Variants in RALYL observed in about 807,000 individuals in gnomAD.
RALYL encodes RNA-binding Raly-like protein.
RALYL carries 29 observed loss-of-function variants against 35.1 expected under a neutral mutation model. That is an observed-to-expected ratio of 0.83 (90% CI 0.61 to 1.13). The LOEUF (loss-of-function observed/expected upper bound fraction) is 1.13. RALYL is among the 50% of genes most tolerant of loss of function. The pLI is 0.00. For synonymous variants in RALYL, 120 were observed against 127.6 expected (o/e 0.94, Z 0.40); for missense variants, 359 against 360.4 (o/e 1.00, Z 0.03).
chr8:84,739,112 C>T (rs190476290), intron 2 of RALYL, among the ~76,000 whole-genome samples: 9 of 152,058 alleles, frequency 5.9e-5, no homozygotes, highest in African/African-American at 1.7e-4. Context: ...TTAACTCAGA[C>T]AATTTACATT....
chr8:84,380,343 C>A (rs1857729399), intron 1 of RALYL, among the ~76,000 whole-genome samples: 1 of 151,824 alleles, frequency 6.6e-6, no homozygotes, highest in Admixed American at 6.6e-5. Flanking sequence ...TGTAAGCCAA[C>A]CAATGTATTT....
In RALYL at chr8:84,599,542, T is replaced by A. The variant is rs371445900; in HGVS notation, c.256+69965T>A. The stretch of plus-strand genomic sequence containing the variant: ...TCACTAATTAAACATTAGTGAAATG[T>A]CATTTTTAAAGAATCTAAGGCAATA... On this transcript the variant is annotated intron_variant, in intron 2 of 8. Transcript: ENST00000521268. Among the ~76,000 whole-genome samples the A allele has an allele frequency of 3.9e-5, 6 of 152,160 alleles. No homozygotes were observed. The South Asian group carries it at 1.2e-3, about 32-fold the overall frequency.
intron 1 of RALYL, among the ~76,000 whole-genome samples, chr8:84,257,223 A>ATC (rs1440022783): frequency 1.3e-5 from 2 of 152,088 alleles, no homozygotes. Context: ...CTTGCTGAGA[A>ATC]AAAGATTGCG....
chr8:84,424,536 T>G (rs1451357392), intron 1 of RALYL, among the ~76,000 whole-genome samples: 1 of 150,832 alleles, frequency 6.6e-6, no homozygotes, highest in Non-Finnish European at 1.5e-5. Context: ...GTCTGAAGCC[T>G]TCTTCTCTCA....
At chr8:84,348,556 C>T (rs1241881138) in intron 1 of RALYL, among the ~76,000 whole-genome samples, 1 of 152,110 alleles carries the variant, frequency 6.6e-6, no homozygotes, top group East Asian at 1.9e-4. Flanking sequence ...TATAAAGGGT[C>T]TGATCAAATC....
chr8:84,700,933 A>T (rs1282512694), intron 2 of RALYL, among the ~76,000 whole-genome samples: 1 of 152,186 alleles, frequency 6.6e-6, no homozygotes, highest in Non-Finnish European at 1.5e-5. Context: ...AAAAAACCTG[A>T]GGAAAGTATT....
At chr8:84,356,809 C>T (rs1851926133) in intron 1 of RALYL, among the ~76,000 whole-genome samples, 1 of 150,038 alleles carries the variant, frequency 6.7e-6, no homozygotes, top group South Asian at 2.1e-4. Flanking sequence ...CTCTCTTTGT[C>T]ATAACACAGT....
chr8:84,796,755 ATTAAG>A (rs1424073805), intron 3 of RALYL, among the ~76,000 whole-genome samples: 11 of 138,534 alleles, frequency 7.9e-5, no homozygotes, highest in African/African-American at 2.5e-4. Context: ...TCTTAAGTAT[ATTAAG>A]TTATTTATAA....
chr8:84,658,092 C>T lies in RALYL; in HGVS notation c.257-116487C>T, dbSNP rs62530169. On this transcript the variant is annotated intron_variant, in intron 2 of 8. Transcript: ENST00000521268. ...ATGTCCCTTGCTTCACCTTTTGACA[C>T]CACAGGGCTGAAAACTGTATCCTCG... Among the ~76,000 whole-genome samples the T allele has an allele frequency of 4.7e-3, 713 of 152,192 alleles. 6 individuals are homozygous for T. The highest frequency in any genetic ancestry group is 6.8e-3 in the Middle Eastern group (2 of 294).
intron 2 of RALYL, among the ~76,000 whole-genome samples, chr8:84,620,326 C>G (rs1164761993): frequency 6.6e-6 from 1 of 151,506 alleles, no homozygotes; most frequent in South Asian, 2.1e-4. Flanking sequence ...CTTCCCTTCT[C>G]GCTTCATTTC....
chr8:84,650,955 G>A (rs1828666454), intron 2 of RALYL, among the ~76,000 whole-genome samples: 2 of 152,052 alleles, frequency 1.3e-5, no homozygotes, highest in Non-Finnish European at 2.9e-5. Flanking sequence ...ATCATTCTCA[G>A]TAAACTATCA....
intron 1 of RALYL, among the ~76,000 whole-genome samples, chr8:84,378,230 A>G (rs1056101816): frequency 2.0e-5 from 3 of 151,872 alleles, no homozygotes; most frequent in Non-Finnish European, 4.4e-5. Context: ...TGTGCCAATA[A>G]AGTTATAAGG....
chr8:84,373,912 A>G (rs1586687696), intron 1 of RALYL, among the ~76,000 whole-genome samples: 1 of 151,322 alleles, frequency 6.6e-6, no homozygotes. Context: ...TTCTCCTTTT[A>G]GGGATCTTTC....
intron 2 of RALYL, among the ~76,000 whole-genome samples, chr8:84,728,536 T>G: frequency 6.6e-6 from 1 of 152,020 alleles, no homozygotes; most frequent in Non-Finnish European, 1.5e-5. Context: ...GTTTTAGACA[T>G]GAAGTCCTTG....
At chr8:84,225,988 A>G (rs1354875748) in intron 1 of RALYL, among the ~76,000 whole-genome samples, 2 of 152,226 alleles carry the variant, frequency 1.3e-5, no homozygotes, top group Admixed American at 1.3e-4. Flanking sequence ...GCAGCTGATC[A>G]TTATGGGTAG....
intron 8 of RALYL, among the ~76,000 whole-genome samples, chr8:84,901,770 G>A (rs553834002): frequency 1.6e-4 from 24 of 152,222 alleles, no homozygotes; most frequent in Non-Finnish European, 3.2e-4. Context: ...GAAGTTTGGG[G>A]TCCTGGGAGA....
intron 3 of RALYL, among the ~76,000 whole-genome samples, chr8:84,789,065 A>G (rs903341833): frequency 6.6e-6 from 1 of 152,190 alleles, no homozygotes; most frequent in Non-Finnish European, 1.5e-5. Flanking sequence ...AGAGTAACGG[A>G]ATAAAGTCCA....
At chr8:84,560,766 G>A (rs1190400851) in intron 2 of RALYL, among the ~76,000 whole-genome samples, 6 of 151,894 alleles carry the variant, frequency 4.0e-5, no homozygotes, top group Admixed American at 2.0e-4. Context: ...ACCGCAGAGA[G>A]GCAGCCCATC....
chr8:84,680,180 T>C (rs1835115160), intron 2 of RALYL, among the ~76,000 whole-genome samples: 1 of 152,202 alleles, frequency 6.6e-6, no homozygotes. Context: ...GGTCATGAAC[T>C]CATCTTTTTT....
Sources: allele counts gnomAD v4.1 joint callset (sites outside exome capture counted in the v4.1 genomes callset), GRCh38; gene constraint gnomAD v4.1.1; transcripts MANE v1.5; gene names NCBI Gene and HGNC (gene_info 2026-07-23, HGNC 2026-07-21).